Variants in AVL9 observed in about 807,000 individuals in gnomAD.
AVL9 encodes AVL9 cell migration associated, also known as late secretory pathway protein AVL9 homolog.
Under a neutral mutation model 79.2 loss-of-function variants are expected in AVL9, and 49 were observed. The observed-to-expected ratio is 0.62, with a 90% CI of 0.49 to 0.79. The LOEUF is 0.79. Ranked by LOEUF, AVL9 falls within the 30% of genes least tolerant of loss-of-function variation. AVL9 has a pLI of 0.00. For synonymous variants in AVL9, 299 were observed against 280.6 expected (o/e 1.07, Z -0.65); for missense variants, 682 against 776.8 (o/e 0.88, Z 1.45).
intron 1 of AVL9, among the ~76,000 whole-genome samples, chr7:32,519,483 C>T (rs1037860771): frequency 6.6e-6 from 1 of 151,502 alleles, no homozygotes; most frequent in South Asian, 2.1e-4. Context: ...CAAGCTAGTT[C>T]AGATGCCTTT....
chr7:32,577,800 A>C (rs984139345), intron 13 of AVL9, among the ~76,000 whole-genome samples: 1 of 152,236 alleles, frequency 6.6e-6, no homozygotes, highest in Non-Finnish European at 1.5e-5. Context: ...TAGATTGAAA[A>C]GAAGGCTGAA....
Position 32,559,008 on chromosome 7 carries a change from A to T in AVL9, c.759A>T (p.Glu253Asp). ...TGTCTGAAGATGGTGGGCTTCAGGA[A>T]AGTAACCCATGTGCAGATGATTTTG... ...KSMSEDGGLQ[E>D]SNPCADDFVS... Residue 253 changes from glutamate to aspartate, a missense_variant, in exon 10 of 16, where the codon GAA becomes GAT. Transcript: ENST00000318709. The T allele has an allele frequency of 1.2e-6, 2 of 1,613,942 alleles. No individual in the cohort carries two copies. Among genetic ancestry groups the T allele is most frequent in the South Asian group, 2.2e-5 (2 of 91,046 alleles).
intron 1 of AVL9, among the ~76,000 whole-genome samples, chr7:32,499,059 AG>A (rs1786998316): frequency 2.7e-5 from 4 of 147,906 alleles, no homozygotes; most frequent in Admixed American, 6.9e-5. Flanking sequence ...GCTACTTGGG[AG>A]GCTGAGGCAG....
intron 13 of AVL9, among the ~76,000 whole-genome samples, chr7:32,576,401 C>G (rs182462950): frequency 6.6e-6 from 1 of 152,248 alleles, no homozygotes; most frequent in Admixed American, 6.5e-5. Context: ...CAGAATGGTT[C>G]AACAAGATAG....
chr7:32,554,264 ATAAAG>A (rs1390244026), intron 7 of AVL9, among the ~76,000 whole-genome samples: 2 of 152,230 alleles, frequency 1.3e-5, no homozygotes, highest in Non-Finnish European at 2.9e-5. Flanking sequence ...ACATCCAGAA[ATAAAG>A]TATTTATTTA....
At chr7:32,538,864 T>G (rs1433561349) in intron 1 of AVL9, 2 of 152,086 alleles carry the variant, frequency 1.3e-5, no homozygotes, top group Non-Finnish European at 2.9e-5. Flanking sequence ...TTAAAATGAT[T>G]TACTACAGAC....
chr7:32,564,762 A>G lies in AVL9; in HGVS notation c.1216-5258A>G, dbSNP rs537626524. On this transcript the variant is annotated intron_variant, in intron 10 of 15. Transcript: ENST00000318709. ...CTGATTCAGGAAGTGTAGAGAAGAA[A>G]CAGCTGCTAAGGAATAAGAGGCGGG... Among the ~76,000 whole-genome samples the G allele has an allele frequency of 6.8e-3, 1,042 of 152,194 alleles. 5 individuals carry two copies. Among genetic ancestry groups the G allele is most frequent in the Non-Finnish European group, 0.011 (727 of 68,008 alleles).
chr7:32,554,109 A>G, intron 7 of AVL9, among the ~76,000 whole-genome samples: 1 of 152,206 alleles, frequency 6.6e-6, no homozygotes, highest in East Asian at 1.9e-4. Context: ...TGTTGCCCTG[A>G]GAATGGAGCA....
At chr7:32,548,461 T>C (rs1273955325) in intron 3 of AVL9, among the ~76,000 whole-genome samples, 2 of 152,264 alleles carry the variant, frequency 1.3e-5, no homozygotes, top group East Asian at 3.9e-4. Flanking sequence ...TGTCGTCTCT[T>C]AAACTAGCCC....
At chr7:32,577,973 G>A (rs1162272795) in intron 13 of AVL9, among the ~76,000 whole-genome samples, 4 of 152,204 alleles carry the variant, frequency 2.6e-5, no homozygotes, top group Admixed American at 6.5e-5. Context: ...TAATGTGCAT[G>A]AGGGAGAGCT....
At chr7:32,572,839 C>G (rs560822649) in intron 11 of AVL9, among the ~76,000 whole-genome samples, 1 of 144,390 alleles carries the variant, frequency 6.9e-6, no homozygotes, top group Non-Finnish European at 1.5e-5. Flanking sequence ...AGTATCTGCA[C>G]GCAAAAGAAA....
rs922629334 is a variant in AVL9, at chr7:32,558,621, T to C, written c.672T>C (p.Leu224=). The change falls in exon 9 of 16, where the codon CTT becomes CTC. Residue 224 remains leucine (L), a synonymous_variant. Transcript: ENST00000318709. The part of the protein sequence containing the change: ...LVGALMTVLS[L]FPGMIEHGLS... ...GTGCACTGATGACTGTGTTATCCCTTTTTCCAGGTAAGAAAACAGCAGTAT... is the reference window on the plus strand; with the variant it reads ...GTGCACTGATGACTGTGTTATCCCTCTTTCCAGGTAAGAAAACAGCAGTAT... 2 of 1,609,232 alleles carry C rather than the reference T, an allele frequency of 1.2e-6. No homozygotes were observed. Among genetic ancestry groups the C allele is most frequent in the African/African-American group, 2.7e-5 (2 of 74,708 alleles).
chr7:32,521,182 A>G (rs1246945893), intron 1 of AVL9, among the ~76,000 whole-genome samples: 1 of 152,146 alleles, frequency 6.6e-6, no homozygotes, highest in Non-Finnish European at 1.5e-5. Context: ...GTACTGGTAG[A>G]GTGGGGCACT....
At chr7:32,571,217 G>A (rs1790828364) in intron 11 of AVL9, among the ~76,000 whole-genome samples, 1 of 132,724 alleles carries the variant, frequency 7.5e-6, no homozygotes, top group Non-Finnish European at 1.6e-5. Context: ...GGGTGACAGA[G>A]TGACCCTGTC....
At chr7:32,569,493 T>C (rs1790728429) in intron 10 of AVL9, among the ~76,000 whole-genome samples, 1 of 152,270 alleles carries the variant, frequency 6.6e-6, no homozygotes, top group Middle Eastern at 3.2e-3. Flanking sequence ...AGTGTCATTT[T>C]TGCTTTAAAT....
At chr7:32,570,934 GAGAAATTTTATGAGGCTC>G (rs1790810893) in intron 11 of AVL9, among the ~76,000 whole-genome samples, 1 of 142,604 alleles carries the variant, frequency 7.0e-6, no homozygotes. Flanking sequence ...AATAATTTTT[GAGAAATTTTATGAGGCTC>G]GGCGCAGTGG....
In AVL9 at chr7:32,579,568, ATT is replaced by A. The variant is rs1562802400; in HGVS notation, c.1689-650_1689-649del. ...TTATATATTATATATTATATTATAT[ATT>A]ATATTATATATTATATATTATATAT... On this transcript the variant is annotated intron_variant, in intron 13 of 15. Coordinates refer to ENST00000318709, the MANE Select transcript of AVL9 (RefSeq NM_015060.3). Among the ~76,000 whole-genome samples the A allele has an allele frequency of 2.2e-3, 12 of 5,392 alleles. 3 individuals carry two copies. Among genetic ancestry groups the A allele is most frequent in the South Asian group, 0.013 (2 of 158 alleles). The allele number at this position is 5,392 out of a possible 152,430, so 3.5% of individuals were successfully genotyped here.
chr7:32,528,974 C>T (rs917151664), intron 1 of AVL9, among the ~76,000 whole-genome samples: 2 of 152,168 alleles, frequency 1.3e-5, no homozygotes. Flanking sequence ...CGCGCCACTG[C>T]ACTCCAGCCT....
intron 10 of AVL9, among the ~76,000 whole-genome samples, chr7:32,563,516 G>A (rs1246379865): frequency 6.7e-6 from 1 of 148,982 alleles, no homozygotes; most frequent in East Asian, 2.0e-4. Flanking sequence ...TGTATTTCTT[G>A]CCCTTCCATG....
Sources: allele counts gnomAD v4.1 joint callset (sites outside exome capture counted in the v4.1 genomes callset), GRCh38; gene constraint gnomAD v4.1.1; transcripts MANE v1.5; gene names NCBI Gene and HGNC (gene_info 2026-07-23, HGNC 2026-07-21).